Variants in ZNF385B observed in about 807,000 individuals in gnomAD.
ZNF385B encodes zinc finger protein 385B, also known as zinc finger protein 533.
In ZNF385B, 23 loss-of-function variants were observed where a neutral mutation model predicts 39.2. The observed-to-expected ratio is 0.59, with a 90% CI of 0.42 to 0.83. The LOEUF is 0.83. ZNF385B is among the 40% of genes least tolerant of loss of function. ZNF385B has a pLI of 0.00. For synonymous variants in ZNF385B, 205 were observed against 222.6 expected, an observed-to-expected ratio of 0.92 and a Z score of 0.70; for missense variants, 552 against 598.9, an observed-to-expected ratio of 0.92 and a Z score of 0.82.
intron 1 of ZNF385B, among the ~76,000 whole-genome samples, chr2:179,788,474 T>C (rs1015080582): frequency 5.9e-5 from 9 of 152,146 alleles, no homozygotes; most frequent in Admixed American, 5.9e-4. Context: ...TGAGGCTCCC[T>C]TGAGAGTTCA....
intron 1 of ZNF385B, among the ~76,000 whole-genome samples, chr2:179,827,516 T>C (rs1044550528): frequency 2.6e-5 from 4 of 152,172 alleles, no homozygotes; most frequent in Non-Finnish European, 5.9e-5. Context: ...TTTATGTAAA[T>C]ATAAATAATT....
chr2:179,746,032 C>G, intron 3 of ZNF385B: 1 of 1,093,374 alleles, frequency 9.1e-7, no homozygotes, highest in Non-Finnish European at 1.1e-6. Flanking sequence ...TGTGCTGAAA[C>G]CAGAAGCACT....
chr2:179,740,664 TAGG>T (rs1469836644), intron 3 of ZNF385B, among the ~76,000 whole-genome samples: 4 of 152,066 alleles, frequency 2.6e-5, no homozygotes, highest in Non-Finnish European at 4.4e-5. Context: ...CTGAAGTAAG[TAGG>T]AGGACATTGA....
chr2:179,759,181 T>C (rs1703220227), intron 3 of ZNF385B, among the ~76,000 whole-genome samples: 1 of 152,216 alleles, frequency 6.6e-6, no homozygotes, highest in South Asian at 2.1e-4. Flanking sequence ...TCACTAGCTA[T>C]ATTAGTTCTA....
intron 1 of ZNF385B, among the ~76,000 whole-genome samples, chr2:179,793,140 A>G (rs1705449405): frequency 6.6e-6 from 1 of 152,202 alleles, no homozygotes; most frequent in Non-Finnish European, 1.5e-5. Context: ...TTTGCATATG[A>G]GGAGAAAAAT....
At chr2:179,835,289 G>C (rs1195683284) in intron 1 of ZNF385B, among the ~76,000 whole-genome samples, 1 of 152,172 alleles carries the variant, frequency 6.6e-6, no homozygotes, top group Non-Finnish European at 1.5e-5. Flanking sequence ...TCCAATTGTT[G>C]AACCTAGTGA....
At chr2:179,558,951 G>A (rs968125868) in intron 3 of ZNF385B, among the ~76,000 whole-genome samples, 3 of 152,198 alleles carry the variant, frequency 2.0e-5, no homozygotes, top group Non-Finnish European at 4.4e-5. Flanking sequence ...AGCAGAGACT[G>A]TGAGTATGGG....
At chr2:179,733,232 C>T (rs977466319) in intron 3 of ZNF385B, among the ~76,000 whole-genome samples, 4 of 152,296 alleles carry the variant, frequency 2.6e-5, no homozygotes, top group African/African-American at 9.6e-5. Flanking sequence ...AGGCAACATA[C>T]ACTTAGGAGG....
At chr2:179,509,269 T>G (rs547701762) in intron 5 of ZNF385B, among the ~76,000 whole-genome samples, 5 of 152,172 alleles carry the variant, frequency 3.3e-5, no homozygotes, top group Non-Finnish European at 7.4e-5. Flanking sequence ...CAATCCTAAA[T>G]TATCCAAATA....
intron 3 of ZNF385B, among the ~76,000 whole-genome samples, chr2:179,654,335 G>C (rs931802083): frequency 6.6e-6 from 1 of 152,244 alleles, no homozygotes; most frequent in East Asian, 1.9e-4. Context: ...TGGTTAGAAG[G>C]AGTCTTGAGA....
chr2:179,612,944 A>T (rs1689414484), intron 3 of ZNF385B, among the ~76,000 whole-genome samples: 1 of 152,240 alleles, frequency 6.6e-6, no homozygotes, highest in Non-Finnish European at 1.5e-5. Context: ...AAGCCAAGCC[A>T]CAAGAAAAAA....
intron 1 of ZNF385B, among the ~76,000 whole-genome samples, chr2:179,811,041 T>G (rs1158011811): frequency 6.6e-6 from 1 of 152,050 alleles, no homozygotes; most frequent in African/African-American, 2.4e-5. Flanking sequence ...AAATCAAGAA[T>G]GCAATCTCAT....
intron 4 of ZNF385B, among the ~76,000 whole-genome samples, chr2:179,533,047 G>C (rs2059349103): frequency 6.6e-6 from 1 of 152,148 alleles, no homozygotes; most frequent in South Asian, 2.1e-4. Flanking sequence ...AGGAAATTCT[G>C]ACATTACCCT....
intron 3 of ZNF385B, among the ~76,000 whole-genome samples, chr2:179,652,702 A>C (rs1487056447): frequency 1.3e-5 from 2 of 152,160 alleles, no homozygotes; most frequent in Non-Finnish European, 2.9e-5. Context: ...CTAATTTATC[A>C]ATTTCTACAT....
intron 3 of ZNF385B, among the ~76,000 whole-genome samples, chr2:179,673,295 C>T (rs575829978): frequency 2.0e-5 from 3 of 152,154 alleles, no homozygotes; most frequent in Admixed American, 2.0e-4. Context: ...ACAGAGAAAG[C>T]CCAGTGGAAC....
intron 6 of ZNF385B, among the ~76,000 whole-genome samples, chr2:179,462,567 A>C (rs1199388053): frequency 6.6e-6 from 1 of 152,190 alleles, no homozygotes; most frequent in African/African-American, 2.4e-5. Flanking sequence ...GAATTCCATT[A>C]AGATAGTTAA....
rs1346815510 is a variant in ZNF385B at position 179,518,534 on chromosome 2, G to A, written c.546C>T (p.Asn182=). 1.3e-6 allele frequency: 2 copies of A among 1,599,940 alleles called. No individual in the cohort carries two copies. Among genetic ancestry groups the A allele is most frequent in the South Asian group, 1.1e-5 (1 of 89,032 alleles). The change falls in exon 5 of 10, where the codon AAC becomes AAT. Residue 182 remains asparagine (N), a synonymous_variant. Coordinates refer to ENST00000410066, the MANE Select transcript of ZNF385B (RefSeq NM_152520.6). ...ATGAAAAGGTGATACTCACATCTGA[G>A]TTAAAGCGAAGCTGACAGACATTAC... is the stretch of plus-strand genomic sequence containing the variant. ...ISCNVCQLRF[N]SDSQAEAHYK... is the part of the protein sequence containing the mutation.
chr2:179,669,191 T>C (rs943152917), intron 3 of ZNF385B, among the ~76,000 whole-genome samples: 13 of 152,206 alleles, frequency 8.5e-5, no homozygotes, highest in African/African-American at 2.7e-4. Context: ...CCAGAGACTC[T>C]AGGTAACTTA....
intron 3 of ZNF385B, among the ~76,000 whole-genome samples, chr2:179,581,109 G>A (rs892098515): frequency 3.9e-5 from 6 of 152,198 alleles, no homozygotes; most frequent in South Asian, 2.1e-4. Context: ...GCAGTCCCAT[G>A]TATGTAAATA....
Sources: gnomAD v4.1 joint callset for allele counts (sites outside exome capture counted in the v4.1 genomes callset) on GRCh38, gnomAD v4.1.1 for gene constraint, MANE v1.5 for transcripts, NCBI Gene and HGNC (gene_info 2026-07-23, HGNC 2026-07-21) for gene names.